The following PGS1 variants were observed in gnomAD, a reference collection of about 807,000 sequenced individuals.
PGS1 encodes CDP-diacylglycerol--glycerol-3-phosphate 3-phosphatidyltransferase, mitochondrial.
PGS1 carries 44 observed loss-of-function variants against 58.3 expected under a neutral mutation model. That is an observed-to-expected ratio of 0.75 (90% confidence interval 0.59 to 0.97). The LOEUF is 0.97. PGS1 is among the 50% of genes least tolerant of loss of function. PGS1 has a pLI of 0.00. For missense variants in PGS1, 684 were observed against 731.1 expected (o/e 0.94, Z 0.74); for synonymous variants, 330 against 311.0 (o/e 1.06, Z -0.64).
At chr17:78,391,902 G>T (rs2082864173) in intron 1 of PGS1, among the ~76,000 whole-genome samples, 1 of 152,188 alleles carries the variant, frequency 6.6e-6, no homozygotes, top group South Asian at 2.1e-4. Flanking sequence ...AGGATTATAG[G>T]CCTGAGCCAC....
At chr17:78,394,615 G>A (rs933769152) in intron 2 of PGS1, among the ~76,000 whole-genome samples, 2 of 151,834 alleles carry the variant, frequency 1.3e-5, no homozygotes, top group African/African-American at 2.4e-5. Context: ...GAGTGCAATG[G>A]CACGATCTCG....
chr17:78,410,567 G>A (rs1400605612), intron 7 of PGS1, among the ~76,000 whole-genome samples: 1 of 136,664 alleles, frequency 7.3e-6, no homozygotes, highest in Non-Finnish European at 1.5e-5. Flanking sequence ...TCCGCCTCCT[G>A]GGTTTAAGCC....
At chr17:78,407,214 A>G (rs2084230523) in intron 7 of PGS1, among the ~76,000 whole-genome samples, 1 of 151,480 alleles carries the variant, frequency 6.6e-6, no homozygotes, top group Non-Finnish European at 1.5e-5. Flanking sequence ...TGAGGGATGG[A>G]TGGTGTGTGG....
At chr17:78,418,828 A>C (rs770631820) in intron 8 of PGS1, among the ~76,000 whole-genome samples, 2 of 152,126 alleles carry the variant, frequency 1.3e-5, no homozygotes, top group African/African-American at 4.8e-5. Flanking sequence ...CATTGGCACA[A>C]ATTGGCTTTG....
At position 78,400,892 on chromosome 17, in the gene PGS1, G is replaced by T; in HGVS notation, c.880+37G>T. On this transcript the variant is annotated intron_variant, in intron 6 of 9. Transcript: ENST00000262764. This position sits in a 1 kb window ranked among gnomAD's most constrained non-coding sequence, Gnocchi z 4.4. ...CGCTGACACCCTTCTATGGCTGTGG[G>T]TGGGGTGGAGTGAGGGCCCGGGAGA... 1.3e-6 allele frequency: 2 copies of T among 1,521,604 alleles called. No individual in the cohort carries two copies. The highest frequency in any genetic ancestry group is 1.8e-6 in the Non-Finnish European group (2 of 1,124,620). 94.3% of individuals were successfully genotyped at this position (1,521,604 alleles called of 1,614,324 possible).
intron 7 of PGS1, among the ~76,000 whole-genome samples, chr17:78,406,966 C>T (rs181568590): frequency 9.8e-5 from 15 of 152,356 alleles, no homozygotes; most frequent in African/African-American, 3.6e-4. Context: ...TCCCCAGTTA[C>T]CGCTGAAACA....
chr17:78,397,591 C>CA (rs1029862886), intron 3 of PGS1, among the ~76,000 whole-genome samples: 9 of 130,226 alleles, frequency 6.9e-5, no homozygotes, highest in African/African-American at 2.3e-4. Flanking sequence ...CATGCGCCAC[C>CA]CCCCCAGCTA....
At chr17:78,388,629 G>A (rs2082581371) in intron 1 of PGS1, among the ~76,000 whole-genome samples, 1 of 151,954 alleles carries the variant, frequency 6.6e-6, no homozygotes, top group South Asian at 2.1e-4. Flanking sequence ...ACAAGTGTGA[G>A]CCACTGCACC....
chr17:78,401,554 T>C (rs1048920099), intron 6 of PGS1, among the ~76,000 whole-genome samples: 1 of 152,100 alleles, frequency 6.6e-6, no homozygotes, highest in African/African-American at 2.4e-5. Flanking sequence ...TTTGCAGCAG[T>C]GTCTGAACTT....
intron 4 of PGS1, 66 bp from the exon 5 acceptor site, chr17:78,399,282 C>A: frequency 7.8e-7 from 1 of 1,286,516 alleles, no homozygotes; most frequent in Non-Finnish European, 1.1e-6. Context: ...GTGGAGGTGG[C>A]TCCTCATTGG....
chr17:78,417,085 T>C (rs2085258212), intron 8 of PGS1, among the ~76,000 whole-genome samples: 2 of 152,184 alleles, frequency 1.3e-5, no homozygotes, highest in Admixed American at 6.5e-5. Flanking sequence ...CACTGAAAGC[T>C]TCCTGGTTTT....
intron 7 of PGS1, among the ~76,000 whole-genome samples, chr17:78,407,330 GT>G (rs1307466198): frequency 2.0e-5 from 3 of 152,208 alleles, no homozygotes; most frequent in Admixed American, 1.3e-4. Context: ...CTGCTCAGTG[GT>G]TGTGTCCCCA....
chr17:78,401,007 A>C (rs2083613368), intron 6 of PGS1, 152 bp downstream of exon 6: 3 of 686,664 alleles, frequency 4.4e-6, no homozygotes, highest in East Asian at 2.8e-5. Flanking sequence ...GACAGATGTG[A>C]CTCACTGACC....
chr17:78,396,533 G>C, intron 3 of PGS1, 148 bp downstream of exon 3: 1 of 633,760 alleles, frequency 1.6e-6, no homozygotes, highest in Non-Finnish European at 2.8e-6. Context: ...CCAGATATGG[G>C]CATGTCAGGA....
chr17:78,423,000 GCAGGAGAATCGCTTGAGCC>G (rs2086032455), intron 9 of PGS1, among the ~76,000 whole-genome samples: 1 of 151,990 alleles, frequency 6.6e-6, no homozygotes, highest in Middle Eastern at 3.4e-3. Context: ...GGAGGTTGAG[GCAGGAGAATCGCTTGAGCC>G]CAGGAGGTGG....
In PGS1 at chr17:78,424,170, G is replaced by A; in HGVS notation, c.*120G>A. On this transcript the variant is annotated 3_prime_UTR_variant, in exon 10 of 10. Coordinates refer to ENST00000262764, the MANE Select transcript of PGS1 (RefSeq NM_024419.5). ...AGCGAGCCCCTGCAGGGACAGTATG[G>A]CTGAGGGTCAGGTGTGCTGCCAGTA... 6.3e-7 allele frequency: 1 copy of A among 1,599,404 alleles called. No individual in the cohort carries two copies.
chr17:78,395,323 G>A (rs1476778928), intron 2 of PGS1, among the ~76,000 whole-genome samples: 1 of 152,164 alleles, frequency 6.6e-6, no homozygotes, highest in African/African-American at 2.4e-5. Flanking sequence ...ACAAAACAAA[G>A]GAAATAGCAA....
In PGS1 at chr17:78,398,365, A is replaced by C. The variant is rs774168475; in HGVS notation, c.511+14A>C. 3 of 1,572,128 alleles carry C rather than the reference A, an allele frequency of 1.9e-6. No homozygotes were observed. The highest frequency in any genetic ancestry group is 2.6e-6 in the Non-Finnish European group (3 of 1,142,004). The stretch of plus-strand genomic sequence containing the variant: ...GGGGCTCACGAGGTAGGTGGCATGC[A>C]AGCCTGGCCCCTCCTGCTTCCTGTG... On this transcript the variant is annotated intron_variant, in intron 4 of 9. Transcript: ENST00000262764.
chr17:78,416,491 G>T (rs2146324644), intron 8 of PGS1, among the ~76,000 whole-genome samples: 1 of 152,352 alleles, frequency 6.6e-6, no homozygotes, highest in African/African-American at 2.4e-5. Flanking sequence ...GGGGGAGCAA[G>T]TCCTCCAGGC....
Sources: gnomAD v4.1 joint callset for allele counts (sites outside exome capture counted in the v4.1 genomes callset) on GRCh38, gnomAD v4.1.1 for gene constraint, Gnocchi (gnomAD v3.1) non-coding constraint, MANE v1.5 for transcripts, NCBI Gene and HGNC (gene_info 2026-07-23, HGNC 2026-07-21) for gene names.